ZNF549: variants seen among roughly 807,000 people sequenced by gnomAD.
The protein encoded by ZNF549 is zinc finger protein 549.
ZNF549 carries 11 observed loss-of-function variants against 11.1 expected under a neutral mutation model. The observed-to-expected ratio is 0.99, with a 90% confidence interval of 0.62 to 1.64. The LOEUF (loss-of-function observed/expected upper bound fraction) is 1.64. Among genes scored for constraint, ZNF549 ranks in the 40% most tolerant of loss-of-function variants. ZNF549 has a pLI of 0.00. For missense variants in ZNF549, 748 were observed against 765.1 expected, an observed-to-expected ratio of 0.98 and a Z score of 0.26; for synonymous variants, 266 against 269.1, an observed-to-expected ratio of 0.99 and a Z score of 0.11.
chr19:57,531,500 G>A (rs773859312), intron 2 of ZNF549, among the ~76,000 whole-genome samples: 22 of 151,998 alleles, frequency 1.4e-4, no homozygotes, highest in African/African-American at 4.1e-4. Flanking sequence ...TGTCCTTTTC[G>A]TAGATCTTAG....
rs1394347605 is a variant in ZNF549 at position 57,538,418 on chromosome 19, G to A, written c.1414G>A (p.Ala472Thr). 2 of 1,613,908 alleles carry A rather than the reference G, an allele frequency of 1.2e-6. No homozygotes were observed. The highest frequency in any genetic ancestry group is 1.3e-5 in the African/African-American group (1 of 74,866). ...RHQRIHTGER[A>T]YECSDCGKAF... ...CCAGAGAATTCACACTGGAGAAAGG[G>A]CTTATGAATGCAGTGACTGTGGGAA... The change falls in exon 4 of 4, where the codon GCT (alanine) becomes ACT (threonine). Residue 472 changes from alanine to threonine, a missense_variant. Physicochemically the swap from Ala to Thr is moderately conservative, Grantham distance 58. Transcript: ENST00000376233.
rs2089930439 is a variant in ZNF549 at position 57,537,453 on chromosome 19, A to G, written c.449A>G (p.His150Arg). ...WFSFGSNLQQ[H>R]QNQDSGEKHI... Reference sequence around the variant, plus strand: ...TCATTTGGTTCTAACCTGCAACAGCACCAGAACCAGGACAGTGGAGAGAAA... The same window carrying G: ...TCATTTGGTTCTAACCTGCAACAGCGCCAGAACCAGGACAGTGGAGAGAAA... The change falls in exon 4 of 4, where the codon CAC becomes CGC. Residue 150 changes from histidine to arginine, a missense_variant. Coordinates refer to ENST00000376233, the MANE Select transcript of ZNF549 (RefSeq NM_001199295.2). 3 of 1,614,244 alleles carry G rather than the reference A, an allele frequency of 1.9e-6. No individual in the cohort carries two copies. Among genetic ancestry groups the G allele is most frequent in the Non-Finnish European group, 2.5e-6 (3 of 1,180,050 alleles).
chr19:57,531,615 A>G (rs2089904403), intron 2 of ZNF549, among the ~76,000 whole-genome samples: 1 of 152,200 alleles, frequency 6.6e-6, no homozygotes, highest in South Asian at 2.1e-4. Flanking sequence ...GGCTGGTATT[A>G]TCGCTCTTGT....
chr19:57,537,755 G>C lies in ZNF549; in HGVS notation c.751G>C (p.Glu251Gln). 1.2e-6 allele frequency: 2 copies of C among 1,614,182 alleles called. No homozygotes were observed. The highest frequency in any genetic ancestry group is 1.7e-6 in the Non-Finnish European group (2 of 1,180,040). ...HTGEKAYKRREYGKSLNSKYL... is the reference protein window; with the variant it reads ...HTGEKAYKRRQYGKSLNSKYL... ...TGGAGAAAAAGCTTATAAGCGTAGGGAATATGGGAAATCCTTGAACTCTAA... is the reference window on the plus strand; with the variant it reads ...TGGAGAAAAAGCTTATAAGCGTAGGCAATATGGGAAATCCTTGAACTCTAA... Residue 251 changes from glutamate (E) to glutamine (Q), a missense_variant, in exon 4 of 4, where the codon GAA (glutamate) becomes CAA (glutamine). Coordinates refer to ENST00000376233, the MANE Select transcript of ZNF549 (RefSeq NM_001199295.2).
Position 57,540,251 on chromosome 19 carries a change from TTAA to T in ZNF549, c.*1331_*1333del, listed in dbSNP as rs2089949397. The T allele has an allele frequency of 6.6e-6, 1 of 152,252 alleles. No homozygotes were observed. The highest frequency in any genetic ancestry group is 2.4e-5 in the African/African-American group (1 of 41,474). The allele number at this position is 152,252 out of a possible 1,614,324, so 9.4% of individuals were successfully genotyped here. Reference sequence around the variant, plus strand: ...TCCTAACTTGTGAGGAGATGAATCCTTAATAATAAGTAAATCTTGTGTTATCCT... The same window carrying T: ...TCCTAACTTGTGAGGAGATGAATCCTTAATAAGTAAATCTTGTGTTATCCT... On this transcript the variant is annotated 3_prime_UTR_variant, in exon 4 of 4. Coordinates refer to ENST00000376233, the MANE Select transcript of ZNF549 (RefSeq NM_001199295.2).
chr19:57,527,924 C>G (rs1600162368), intron 1 of ZNF549, among the ~76,000 whole-genome samples: 1 of 152,164 alleles, frequency 6.6e-6, no homozygotes, highest in East Asian at 1.9e-4. Context: ...GTTTTTAATT[C>G]TGAGTCTTTG....
intron 3 of ZNF549, 47 bp downstream of exon 3, chr19:57,535,317 C>G: frequency 6.4e-7 from 1 of 1,566,678 alleles, no homozygotes; most frequent in South Asian, 1.2e-5. Flanking sequence ...GGACTCTGCT[C>G]TTCCCCTTTT....
chr19:57,537,676 T>A lies in ZNF549; in HGVS notation c.672T>A (p.Cys224Ter), dbSNP rs1308098783. 1 of 1,614,140 alleles carries A rather than the reference T, an allele frequency of 6.2e-7. No homozygotes were observed. The highest frequency in any genetic ancestry group is 1.1e-5 in the South Asian group (1 of 91,084). The change falls in exon 4 of 4, where the codon TGT becomes TGA. Residue 224 changes from cysteine to a stop codon, truncating the protein, a stop_gained. Coordinates refer to ENST00000376233, the MANE Select transcript of ZNF549 (RefSeq NM_001199295.2). LOFTEE classifies it low-confidence loss of function (END_TRUNC). ...RETFQQRRYK[C>*]EQVFNEKVHV... ...CCTTTCAACAAAGACGTTACAAATG[T>A]GAGCAAGTTTTCAATGAGAAAGTTC...
In ZNF549 at chr19:57,537,541, C is replaced by T; in HGVS notation, c.537C>T (p.Asp179=). The T allele has an allele frequency of 6.2e-7, 1 of 1,614,236 alleles. No individual in the cohort carries two copies. The highest frequency in any genetic ancestry group is 1.6e-4 in the Middle Eastern group (1 of 6,062). ...ATAGCTGCAAAATTCCTCTGTCAGA[C>T]AATCTTTTCCCATGCAAAGATGTTG... ...LLNSCKIPLS[D]NLFPCKDVEK... is the part of the protein sequence containing the mutation. The change falls in exon 4 of 4, where the codon GAC becomes GAT. Residue 179 remains aspartate (D), a synonymous_variant. Transcript: ENST00000376233.
In ZNF549 at chr19:57,538,760, A is replaced by G; in HGVS notation, c.1756A>G (p.Asn586Asp). The part of the protein sequence containing the change: ...QKVHSGERPY[N>D]CTACEKAFIY... ...AGTTCACAGTGGAGAGAGGCCTTAT[A>G]ACTGCACTGCATGTGAGAAGGCCTT... is the stretch of plus-strand genomic sequence containing the variant. Residue 586 changes from asparagine (N) to aspartate (D), a missense_variant, in exon 4 of 4, where the codon AAC (asparagine) becomes GAC (aspartate). Coordinates refer to ENST00000376233, the MANE Select transcript of ZNF549 (RefSeq NM_001199295.2). 1 of 1,614,230 alleles carries G rather than the reference A, an allele frequency of 6.2e-7. No homozygotes were observed.
intron 1 of ZNF549, among the ~76,000 whole-genome samples, chr19:57,528,586 G>T (rs941045991): frequency 6.6e-6 from 1 of 152,194 alleles, no homozygotes; most frequent in African/African-American, 2.4e-5. Context: ...AGGGCCATGG[G>T]GTTCCGGGGG....
At position 57,540,599 on chromosome 19, in the gene ZNF549, A is replaced by C. The variant is rs927222977; in HGVS notation, c.*1672A>C. On this transcript the variant is annotated 3_prime_UTR_variant, in exon 4 of 4. Transcript: ENST00000376233. ...ACATGGTGAAATCCAGTCTCTACTT[A>C]AAATACAAAAATTAGCCAGGCGTGG... The C allele has an allele frequency of 6.6e-6, 1 of 152,252 alleles. No individual in the cohort carries two copies. The highest frequency in any genetic ancestry group is 1.9e-4 in the East Asian group (1 of 5,140). The allele number at this position is 152,252 out of a possible 1,614,324, so 9.4% of individuals were successfully genotyped here.
Position 57,538,269 on chromosome 19 carries a change from G to C in ZNF549, c.1265G>C (p.Cys422Ser). Residue 422 changes from cysteine to serine, a missense_variant, in exon 4 of 4, where the codon TGT becomes TCT. Transcript: ENST00000376233. ...GAAAGGCCTTATGAGTGCAAAGAAT[G>C]TGGGAAGGCCTTCATTCACAAAAAA... ...TGERPYECKE[C>S]GKAFIHKKRL... is the part of the protein sequence containing the mutation. 6.2e-7 allele frequency: 1 copy of C among 1,613,954 alleles called. No homozygotes were observed. The highest frequency in any genetic ancestry group is 8.5e-7 in the Non-Finnish European group (1 of 1,179,978).
Position 57,538,490 on chromosome 19 carries a change from A to C in ZNF549, c.1486A>C (p.Thr496Pro), listed in dbSNP as rs745435319. ...ACTTCTTAAGCATCACAAAATCCAC[A>C]CTAGAGAAAGGCCTTATGAATGCAG... ...QTLLKHHKIH[T>P]RERPYECSEC... Residue 496 changes from threonine (T) to proline (P), a missense_variant, in exon 4 of 4, where the codon ACT (threonine) becomes CCT (proline). Physicochemically the swap from Thr to Pro is conservative, Grantham distance 38. Transcript: ENST00000376233. 6.2e-7 allele frequency: 1 copy of C among 1,614,086 alleles called. No homozygotes were observed. Among genetic ancestry groups the C allele is most frequent in the South Asian group, 1.1e-5 (1 of 91,084 alleles).
At position 57,538,028 on chromosome 19, in the gene ZNF549, C is replaced by T. The variant is rs370326080; in HGVS notation, c.1024C>T (p.Arg342Cys). The change falls in exon 4 of 4, where the codon CGC becomes TGC. Residue 342 changes from arginine (R) to cysteine (C), a missense_variant. Arg to Cys is a radical substitution (Grantham distance 180). Transcript: ENST00000376233. ...GTGCAATGTATGTGGGAAATCATTC[C>T]GCCACAAACAAACATTTGTTGGCCA... Reference protein sequence around the residue: ...YVCNVCGKSFRHKQTFVGHQQ... With the variant: ...YVCNVCGKSFCHKQTFVGHQQ... The T allele has an allele frequency of 3.5e-5, 56 of 1,612,608 alleles. 1 individual carries two copies. Among genetic ancestry groups the T allele is most frequent in the Admixed American group, 1.3e-4 (8 of 59,864 alleles).
In ZNF549 at chr19:57,527,414, G is replaced by C; in HGVS notation, c.-160G>C. ...GGCGTTTCCGGCTCGCTGGGTCCGG[G>C]CCAGGTAACTGGAGCCGGAAACCGG... On this transcript the variant is annotated 5_prime_UTR_variant, in exon 1 of 4. Coordinates refer to ENST00000376233, the MANE Select transcript of ZNF549 (RefSeq NM_001199295.2). 9.4e-7 allele frequency: 1 copy of C among 1,058,688 alleles called. No homozygotes were observed. The highest frequency in any genetic ancestry group is 1.6e-5 in the African/African-American group (1 of 63,050). 65.6% of individuals were successfully genotyped at this position (1,058,688 alleles called of 1,614,324 possible).
intron 3 of ZNF549, among the ~76,000 whole-genome samples, chr19:57,536,724 A>G (rs1340709630): frequency 6.6e-6 from 1 of 152,046 alleles, no homozygotes; most frequent in Non-Finnish European, 1.5e-5. Context: ...CTTCCCCTAC[A>G]TGGTAACCTT....
intron 1 of ZNF549, among the ~76,000 whole-genome samples, chr19:57,528,683 C>T (rs1009699668): frequency 6.6e-6 from 1 of 152,164 alleles, no homozygotes; most frequent in Non-Finnish European, 1.5e-5. Flanking sequence ...ATTCAGAAGA[C>T]TTGGCGAACT....
Position 57,538,657 on chromosome 19 carries a change from C to T in ZNF549, c.1653C>T (p.His551=). 6.2e-7 allele frequency: 1 copy of T among 1,614,242 alleles called. No homozygotes were observed. The highest frequency in any genetic ancestry group is 8.5e-7 in the Non-Finnish European group (1 of 1,180,038). The change falls in exon 4 of 4, where the codon CAC becomes CAT. Residue 551 remains histidine, a synonymous_variant. Transcript: ENST00000376233. ...QKRLLEHQKV[H]TGEKPCECSE... ...GACTTCTTGAGCACCAGAAAGTTCA[C>T]ACTGGCGAAAAGCCCTGTGAGTGCA...
Sources: gnomAD v4.1 joint callset for allele counts (sites outside exome capture counted in the v4.1 genomes callset) on GRCh38, gnomAD v4.1.1 for gene constraint, MANE v1.5 for transcripts, NCBI Gene and HGNC (gene_info 2026-07-23, HGNC 2026-07-21) for gene names.